Variants in KLHDC1 observed in about 807,000 individuals in gnomAD.
The protein encoded by KLHDC1 is kelch domain containing 1, also known as kelch domain-containing protein 1.
A neutral mutation model predicts 68.3 loss-of-function variants in KLHDC1; 53 were observed. The observed-to-expected ratio is 0.78, with a 90% CI of 0.62 to 0.98. KLHDC1 has a LOEUF of 0.98. Ranked by LOEUF, KLHDC1 falls within the 50% of genes least tolerant of loss-of-function variation. The pLI, the probability that KLHDC1 is intolerant of heterozygous loss-of-function variation, is 0.00. For missense variants in KLHDC1, 470 were observed against 492.3 expected (o/e 0.95, Z 0.43); for synonymous variants, 148 against 159.0 (o/e 0.93, Z 0.52).
chr14:49,719,081 G>C (rs1260262721), intron 4 of KLHDC1, among the ~76,000 whole-genome samples: 1 of 151,790 alleles, frequency 6.6e-6, no homozygotes, highest in Non-Finnish European at 1.5e-5. Context: ...CGCCCAGCCT[G>C]TTGTTTTTCT....
At chr14:49,738,316 T>G (rs1888980024) in intron 10 of KLHDC1, among the ~76,000 whole-genome samples, 1 of 151,900 alleles carries the variant, frequency 6.6e-6, no homozygotes, top group African/African-American at 2.4e-5. Context: ...TTTTTTCATG[T>G]TCTCTTTTGT....
chr14:49,751,821 C>T lies in KLHDC1; in HGVS notation c.*49C>T. ...AGTATGTTTTAACTTTTTAATCAGA[C>T]TATACATTTACACTCCCAAATTGCA... On this transcript the variant is annotated 3_prime_UTR_variant, in exon 13 of 13. Coordinates refer to ENST00000359332, the MANE Select transcript of KLHDC1 (RefSeq NM_172193.3). 1 of 990,264 alleles carries T rather than the reference C, an allele frequency of 1.0e-6. No homozygotes were observed. The highest frequency in any genetic ancestry group is 1.4e-6 in the Non-Finnish European group (1 of 705,904). 61.3% of individuals were successfully genotyped at this position (990,264 alleles called of 1,614,324 possible). A position where few individuals can be genotyped will look rare whatever the true frequency, so the allele number is the denominator to read the frequency against.
intron 10 of KLHDC1, among the ~76,000 whole-genome samples, chr14:49,739,800 C>G (rs1038131607): frequency 6.6e-6 from 1 of 152,104 alleles, no homozygotes; most frequent in Non-Finnish European, 1.5e-5. Context: ...CCTATAATCC[C>G]AGCACTTTAG....
At chr14:49,733,430 CTTT>C (rs763516095) in intron 9 of KLHDC1, among the ~76,000 whole-genome samples, 8 of 138,670 alleles carry the variant, frequency 5.8e-5, no homozygotes, top group Admixed American at 7.3e-5. Flanking sequence ...ATTTTCTTTT[CTTT>C]TTTTTTTTTT....
intron 7 of KLHDC1, 63 bp from the exon 8 acceptor site, chr14:49,729,427 A>G (rs1888748281): frequency 1.8e-6 from 2 of 1,099,212 alleles, no homozygotes; most frequent in Non-Finnish European, 2.8e-6. Flanking sequence ...CTTACTTTAA[A>G]AGAAAAATTT....
chr14:49,723,517 G>A (rs980984410), intron 4 of KLHDC1, among the ~76,000 whole-genome samples: 5 of 152,092 alleles, frequency 3.3e-5, no homozygotes, highest in African/African-American at 1.2e-4. Flanking sequence ...CAGCCTGGGT[G>A]ACAGAGGGAA....
chr14:49,747,427 G>A (rs1190250450), intron 12 of KLHDC1, among the ~76,000 whole-genome samples: 3 of 152,206 alleles, frequency 2.0e-5, no homozygotes, highest in Admixed American at 6.5e-5. Context: ...CCAATGGAGA[G>A]TAGGTTGTTA....
At chr14:49,717,877 A>T (rs1024795143) in intron 4 of KLHDC1, among the ~76,000 whole-genome samples, 2 of 151,922 alleles carry the variant, frequency 1.3e-5, no homozygotes, top group African/African-American at 4.8e-5. Flanking sequence ...TTTTCTTGAG[A>T]TATAATTTAT....
At chr14:49,715,354 C>G (rs574062651) in intron 4 of KLHDC1, among the ~76,000 whole-genome samples, 139 of 151,708 alleles carry the variant, frequency 9.2e-4, no homozygotes, top group African/African-American at 3.3e-3. Flanking sequence ...ATCTCTTGAC[C>G]TCATGATCTG....
At position 49,732,835 on chromosome 14, in the gene KLHDC1, A is replaced by G. The variant is rs780303412; in HGVS notation, c.823+19A>G. The G allele has an allele frequency of 1.4e-5, 16 of 1,131,302 alleles. No individual in the cohort carries two copies. In the South Asian group the frequency reaches 1.9e-4, roughly 14 times the overall value. 70.1% of individuals were successfully genotyped at this position (1,131,302 alleles called of 1,614,324 possible). ...CCATTAAGTAAGTTGATTAAGGTTT[A>G]GCCTATAATTATTATCTCATTCTTT... On this transcript the variant is annotated intron_variant, in intron 9 of 12. Transcript: ENST00000359332.
chr14:49,709,161 T>C lies in KLHDC1; in HGVS notation c.99T>C (p.Ser33=), dbSNP rs1462460763. Residue 33 remains serine (S), a splice_region_variant and synonymous_variant, in exon 2 of 13, where the codon TCT becomes TCC. Coordinates refer to ENST00000359332, the MANE Select transcript of KLHDC1 (RefSeq NM_172193.3). Reference sequence around the variant, plus strand: ...TTTTATGTATTCTGTATTTTTAGTCTATTGAAGACAATGAAGTATATTTGC... The same window carrying C: ...TTTTATGTATTCTGTATTTTTAGTCCATTGAAGACAATGAAGTATATTTGC... ...NFLYVWGGYV[S]IEDNEVYLPN... 2.5e-6 allele frequency: 3 copies of C among 1,219,246 alleles called. No homozygotes were observed. The highest frequency in any genetic ancestry group is 3.6e-6 in the Non-Finnish European group (3 of 839,200). 75.5% of individuals were successfully genotyped at this position (1,219,246 alleles called of 1,614,324 possible).
In KLHDC1 at chr14:49,739,210, C is replaced by T. The variant is rs1047308623; in HGVS notation, c.897-888C>T. Among the ~76,000 whole-genome samples the T allele has an allele frequency of 1.3e-4, 20 of 152,086 alleles. No individual in the cohort carries two copies. The East Asian group carries it at 3.3e-3, about 25-fold the overall frequency. On this transcript the variant is annotated intron_variant, in intron 10 of 12. Transcript: ENST00000359332. ...CTCTAAGCATAAGAAACAGAGTGAACAAAAGCCTAGAGATAGATGATAAGC... is the reference window on the plus strand; with the variant it reads ...CTCTAAGCATAAGAAACAGAGTGAATAAAAGCCTAGAGATAGATGATAAGC...
intron 2 of KLHDC1, 22 bp downstream of exon 2, chr14:49,709,251 A>G: frequency 9.7e-7 from 1 of 1,033,284 alleles, no homozygotes; most frequent in Non-Finnish European, 1.5e-6. Flanking sequence ...TAAATTGCAT[A>G]CTGTCTGATC....
In KLHDC1 at chr14:49,693,271, A is replaced by C. The variant is rs982596430; in HGVS notation, c.77A>C (p.Tyr26Ser). 6.4e-7 allele frequency: 1 copy of C among 1,558,948 alleles called. No homozygotes were observed. Among genetic ancestry groups the C allele is most frequent in the African/African-American group, 1.4e-5 (1 of 70,440 alleles). The change falls in exon 1 of 13, where the codon TAC (tyrosine) becomes TCC (serine). Residue 26 changes from tyrosine to serine, a missense_variant. Tyr to Ser is a moderately radical substitution (Grantham distance 144). Coordinates refer to ENST00000359332, the MANE Select transcript of KLHDC1 (RefSeq NM_172193.3). ...HCAVVDGNFLYVWGGYVSIED... is the reference protein window; with the variant it reads ...HCAVVDGNFLSVWGGYVSIED... ...GCCGTGGTGGACGGAAACTTCCTCT[A>C]CGTGTGGGGGGGCTACGTGGTAAGG...
intron 12 of KLHDC1, among the ~76,000 whole-genome samples, chr14:49,749,620 G>C (rs962360536): frequency 1.4e-5 from 2 of 146,330 alleles, no homozygotes; most frequent in Admixed American, 7.0e-5. Context: ...AGAGGCTGCA[G>C]TAAGCCGAGA....
At chr14:49,742,781 T>C (rs1379868255) in intron 11 of KLHDC1, among the ~76,000 whole-genome samples, 1 of 150,470 alleles carries the variant, frequency 6.6e-6, no homozygotes, top group East Asian at 2.0e-4. Flanking sequence ...AAAGAAAAAG[T>C]TCAGCTTAAA....
Position 49,732,902 on chromosome 14 carries a change from C to A in KLHDC1, c.823+86C>A, listed in dbSNP as rs1038238669. 3 of 699,552 alleles carry A rather than the reference C, an allele frequency of 4.3e-6. No individual in the cohort carries two copies. In the African/African-American group the frequency reaches 5.6e-5, roughly 13 times the overall value. The allele number at this position is 699,552 out of a possible 1,614,324, so 43.3% of individuals were successfully genotyped here. A position where few individuals can be genotyped will look rare whatever the true frequency, so the allele number is the denominator to read the frequency against. On this transcript the variant is annotated intron_variant, in intron 9 of 12. Coordinates refer to ENST00000359332, the MANE Select transcript of KLHDC1 (RefSeq NM_172193.3). Reference sequence around the variant, plus strand: ...CATACTTACAGTGAAGTAAATCTTCCTTTTTTCCTGTTTTTCTGGTTTGCC... The same window carrying A: ...CATACTTACAGTGAAGTAAATCTTCATTTTTTCCTGTTTTTCTGGTTTGCC...
intron 8 of KLHDC1, among the ~76,000 whole-genome samples, chr14:49,729,980 T>C (rs1888762763): frequency 6.6e-6 from 1 of 152,180 alleles, no homozygotes; most frequent in African/African-American, 2.4e-5. Flanking sequence ...TATTCCAAAG[T>C]ATAAGTACCA....
At chr14:49,711,895 T>G (rs1888210981) in intron 4 of KLHDC1, among the ~76,000 whole-genome samples, 1 of 150,522 alleles carries the variant, frequency 6.6e-6, no homozygotes, top group Non-Finnish European at 1.5e-5. Flanking sequence ...TTATATGTCT[T>G]TCTTTTTTCT....
Sources: allele counts gnomAD v4.1 joint callset (sites outside exome capture counted in the v4.1 genomes callset), GRCh38; gene constraint gnomAD v4.1.1; transcripts MANE v1.5; gene names NCBI Gene and HGNC (gene_info 2026-07-23, HGNC 2026-07-21).